MYOM2: variants seen among roughly 807,000 people sequenced by gnomAD.
MYOM2 encodes the protein myomesin 2, also known as myomesin-2.
In MYOM2, 254 loss-of-function variants were observed where a neutral mutation model predicts 187.6. The ratio of observed to expected loss-of-function variants is 1.35; its 90% CI spans 1.22 to 1.50. MYOM2 has a LOEUF of 1.50. MYOM2 is among the 40% of genes most tolerant of loss of function. The pLI is 0.00. For missense variants in MYOM2, 2,796 were observed against 1,924.0 expected, an observed-to-expected ratio of 1.45 and a Z score of -8.48; for synonymous variants, 981 against 753.8, an observed-to-expected ratio of 1.30 and a Z score of -4.94.
rs7815192 is a variant in MYOM2, at chr8:2,096,110, G to C, written c.2126-137G>C. 2.2e-4 allele frequency: 163 copies of C among 752,592 alleles called. No individual in the cohort carries two copies. The African/African-American group carries it at 2.4e-3, about 11-fold the overall frequency. The allele number at this position is 752,592 out of a possible 1,614,324, so 46.6% of individuals were successfully genotyped here. On this transcript the variant is annotated intron_variant, in intron 17 of 36. Coordinates refer to ENST00000262113, the MANE Select transcript of MYOM2 (RefSeq NM_003970.4). ...ACCAAGGTGGTTAAGTGTGGGTTGA[G>C]AGGGATCAGAGGGCACAGTGTTCAG...
In MYOM2 at chr8:2,090,025, C is replaced by A. The variant is rs764500613; in HGVS notation, c.1662C>A (p.Gly554=). The change falls in exon 15 of 37, where the codon GGC becomes GGA. Residue 554 remains glycine, a synonymous_variant. Transcript: ENST00000262113. ...YFIEKSVVGS[G]SWQRVNAQTA... is the part of the protein sequence containing the mutation. ...CTTTGTAGTCCGTGGTGGGGAGCGG[C>A]AGCTGGCAGAGAGTCAACGCCCAGA... 4 of 1,613,766 alleles carry A rather than the reference C, an allele frequency of 2.5e-6. No homozygotes were observed. The highest frequency in any genetic ancestry group is 2.7e-5 in the African/African-American group (2 of 75,012).
intron 34 of MYOM2, 92 bp from the exon 35 acceptor site, chr8:2,142,283 T>C: frequency 8.0e-7 from 1 of 1,253,950 alleles, no homozygotes; most frequent in South Asian, 1.2e-5. Flanking sequence ...TTTTGCTTCA[T>C]CGCTAGTGAG....
chr8:2,055,930 G>A (rs2129328792), intron 3 of MYOM2, among the ~76,000 whole-genome samples: 1 of 152,288 alleles, frequency 6.6e-6, no homozygotes, highest in Non-Finnish European at 1.5e-5. Context: ...CAGTGCCACA[G>A]GCGGCGCTCC....
In MYOM2 at chr8:2,114,951, A is replaced by G. The variant is rs569590072; in HGVS notation, c.3181-1009A>G. 5.3e-5 allele frequency among the ~76,000 whole-genome samples: 8 copies of G among 152,290 alleles called. No homozygotes were observed. The South Asian group carries it at 1.4e-3, about 28-fold the overall frequency. The stretch of plus-strand genomic sequence containing the variant: ...GGAAGAGATGGTCTAATATATTAAG[A>G]ACATATATTGGCAAAGACCAATACC... On this transcript the variant is annotated intron_variant, in intron 25 of 36. Coordinates refer to ENST00000262113, the MANE Select transcript of MYOM2 (RefSeq NM_003970.4).
intron 6 of MYOM2, among the ~76,000 whole-genome samples, chr8:2,060,957 G>C (rs1272118112): frequency 6.6e-6 from 1 of 152,040 alleles, no homozygotes; most frequent in South Asian, 2.1e-4. Flanking sequence ...ATTACTAGGG[G>C]GAGATGGGGG....
chr8:2,139,048 ACC>A (rs1798182462), intron 32 of MYOM2, among the ~76,000 whole-genome samples: 2 of 126,884 alleles, frequency 1.6e-5, no homozygotes, highest in African/African-American at 6.2e-5. Flanking sequence ...ACCACCAGAG[ACC>A]CGACACACAC....
At chr8:2,116,411 A>G in intron 27 of MYOM2, 136 bp downstream of exon 27, 1 of 805,436 alleles carries the variant, frequency 1.2e-6, no homozygotes, top group Non-Finnish European at 1.9e-6. Context: ...GGTTAGGCTT[A>G]CCAACTGCAT....
Position 2,145,250 on chromosome 8 carries a change from A to G in MYOM2, c.*269A>G. 1.8e-6 allele frequency: 1 copy of G among 558,102 alleles called. No homozygotes were observed. Among genetic ancestry groups the G allele is most frequent in the East Asian group, 3.1e-5 (1 of 32,738 alleles). 34.6% of individuals were successfully genotyped at this position (558,102 alleles called of 1,614,324 possible). The stretch of plus-strand genomic sequence containing the variant: ...GACAGAGAGTGGGTTGGCAGACAAC[A>G]CACTAGAATTTTCACGGGTGTGGGC... On this transcript the variant is annotated 3_prime_UTR_variant, in exon 37 of 37. Coordinates refer to ENST00000262113, the MANE Select transcript of MYOM2 (RefSeq NM_003970.4).
At chr8:2,059,772 C>T (rs755578164) in intron 6 of MYOM2, among the ~76,000 whole-genome samples, 29 of 125,428 alleles carry the variant, frequency 2.3e-4, no homozygotes, top group South Asian at 1.5e-3. Flanking sequence ...GGCAGAGTTT[C>T]GCTCTTGTTG....
In MYOM2 at chr8:2,072,462, C is replaced by A; in HGVS notation, c.911C>A (p.Thr304Lys). ...TVTLKCTMLV[T>K]PDLKRVQPRA... ...ACTCTCAAGTGCACCATGCTGGTGACGCCGGACCTGAAGCGGGTGCAGCCG... is the reference window on the plus strand; with the variant it reads ...ACTCTCAAGTGCACCATGCTGGTGAAGCCGGACCTGAAGCGGGTGCAGCCG... Residue 304 changes from threonine to lysine, a missense_variant, in exon 9 of 37, where the codon ACG becomes AAG. By Grantham distance (78) the Thr-to-Lys change is moderately conservative. Transcript: ENST00000262113. The A allele has an allele frequency of 6.2e-7, 1 of 1,614,028 alleles. No homozygotes were observed. The highest frequency in any genetic ancestry group is 8.5e-7 in the Non-Finnish European group (1 of 1,180,040).
intron 3 of MYOM2, among the ~76,000 whole-genome samples, chr8:2,054,827 G>A (rs748352065): frequency 1.3e-5 from 2 of 152,170 alleles, no homozygotes; most frequent in South Asian, 2.1e-4. Context: ...GACATCTGAC[G>A]CCATCGTTCA....
At chr8:2,050,615 C>T (rs985092288) in intron 1 of MYOM2, 140 bp from the exon 2 acceptor site, 6 of 531,206 alleles carry the variant, frequency 1.1e-5, no homozygotes, top group African/African-American at 7.6e-5. Flanking sequence ...GATTTCTGGC[C>T]ATGTAATCTT....
chr8:2,137,977 G>A (rs868842810), intron 32 of MYOM2, among the ~76,000 whole-genome samples: 1 of 152,130 alleles, frequency 6.6e-6, no homozygotes, highest in African/African-American at 2.4e-5. Context: ...CCACTGCCTG[G>A]TATATGTTCT....
chr8:2,085,746 C>T lies in MYOM2; in HGVS notation c.1644+356C>T, dbSNP rs373861247. ...TGGCCCCCCACTGTTGTGATCTCTG[C>T]GTGGCCCCCCACAGTCGTGATCTCT... On this transcript the variant is annotated intron_variant, in intron 14 of 36. Transcript: ENST00000262113. Among the ~76,000 whole-genome samples the T allele has an allele frequency of 4.2e-3, 14 of 3,336 alleles. 1 individual carries two copies. The highest frequency in any genetic ancestry group is 6.2e-3 in the Non-Finnish European group (10 of 1,614). The allele number at this position is 3,336 out of a possible 152,430, so 2.2% of individuals were successfully genotyped here. A position where few individuals can be genotyped will look rare whatever the true frequency, so the allele number is the denominator to read the frequency against.
chr8:2,076,992 AT>A (rs926857821), intron 11 of MYOM2, among the ~76,000 whole-genome samples: 3 of 152,172 alleles, frequency 2.0e-5, no homozygotes, highest in African/African-American at 7.2e-5. Flanking sequence ...AAGAAAATGA[AT>A]TTAGAAATTA....
chr8:2,066,775 C>T (rs548364188), intron 6 of MYOM2, among the ~76,000 whole-genome samples: 5 of 152,244 alleles, frequency 3.3e-5, no homozygotes, highest in Non-Finnish European at 5.9e-5. Flanking sequence ...TTGGAGAAAG[C>T]CTCTACTTAT....
chr8:2,053,562 G>T (rs574904310), intron 3 of MYOM2, among the ~76,000 whole-genome samples: 1 of 152,344 alleles, frequency 6.6e-6, no homozygotes, highest in African/African-American at 2.4e-5. Flanking sequence ...GTGGCTTACT[G>T]TGATTCATAT....
chr8:2,105,979 C>T (rs980319448), intron 21 of MYOM2, among the ~76,000 whole-genome samples: 3 of 152,184 alleles, frequency 2.0e-5, no homozygotes, highest in African/African-American at 7.2e-5. Flanking sequence ...CACAGGGCGG[C>T]AGGACAGAGT....
In MYOM2 at chr8:2,051,490, C is replaced by T. The variant is rs7842275; in HGVS notation, c.107+617C>T. Among the ~76,000 whole-genome samples the T allele has an allele frequency of 3.1e-3, 477 of 152,276 alleles. 5 individuals are homozygous for T. Among genetic ancestry groups the T allele is most frequent in the African/African-American group, 0.01 (422 of 41,564 alleles). On this transcript the variant is annotated intron_variant, in intron 2 of 36. Transcript: ENST00000262113. ...GGCTGTGGTGAAGGGAGGGAGGGAC[C>T]GCGGGCAGGCGTTCTGCAGCCCAGG... is the stretch of plus-strand genomic sequence containing the variant.
Sources: allele counts gnomAD v4.1 joint callset (sites outside exome capture counted in the v4.1 genomes callset), GRCh38; gene constraint gnomAD v4.1.1; transcripts MANE v1.5; gene names NCBI Gene and HGNC (gene_info 2026-07-23, HGNC 2026-07-21).